The following KMT2C variants were observed in gnomAD, a reference collection of about 807,000 sequenced individuals.
KMT2C encodes lysine methyltransferase 2C, also known as histone-lysine N-methyltransferase 2C.
In KMT2C, 88 loss-of-function variants were observed where a neutral mutation model predicts 507.9. That is an observed-to-expected ratio of 0.17 (90% CI 0.15 to 0.21). KMT2C has a LOEUF of 0.21. KMT2C is among the 10% of genes least tolerant of loss of function. The probability of loss-of-function intolerance (pLI) is 1.00; values close to 1 mark genes in which losing one functional copy is unlikely to be tolerated. For synonymous variants in KMT2C, 2,049 were observed against 2,080.8 expected, an observed-to-expected ratio of 0.98 and a Z score of 0.42; for missense variants, 4,954 against 5,957.8, an observed-to-expected ratio of 0.83 and a Z score of 5.55.
chr7:152,255,126 T>TATATATATATAC (rs2095632226), intron 9 of KMT2C, among the ~76,000 whole-genome samples: 2 of 119,770 alleles, frequency 1.7e-5, no homozygotes, highest in Admixed American at 1.6e-4. Context: ...TATATATATA[T>TATATATATATAC]ATATATATAT....
At chr7:152,307,248 A>AGGACGGAC (rs1554631753) in intron 6 of KMT2C, among the ~76,000 whole-genome samples, 12 of 117,078 alleles carry the variant, frequency 1.0e-4, no homozygotes, top group South Asian at 2.8e-4. Context: ...GAAGGAAGGA[A>AGGACGGAC]GGACGGTAGG....
intron 6 of KMT2C, among the ~76,000 whole-genome samples, chr7:152,291,859 T>G (rs1292471698): frequency 1.3e-5 from 2 of 152,272 alleles, no homozygotes; most frequent in Non-Finnish European, 2.9e-5. Flanking sequence ...GTTTATTTTC[T>G]ATGGACACAT....
At chr7:152,167,978 T>C (rs542566929) in intron 41 of KMT2C, among the ~76,000 whole-genome samples, 1 of 152,314 alleles carries the variant, frequency 6.6e-6, no homozygotes, top group East Asian at 1.9e-4. Context: ...TATTATTCTG[T>C]AGTTATATTT....
intron 51 of KMT2C, among the ~76,000 whole-genome samples, chr7:152,150,686 ACT>A (rs1401616953): frequency 6.6e-6 from 1 of 152,056 alleles, no homozygotes; most frequent in Admixed American, 6.5e-5. Flanking sequence ...TTAAAACATA[ACT>A]CTGCCCACTT....
intron 51 of KMT2C, among the ~76,000 whole-genome samples, chr7:152,149,443 C>A (rs1202028774): frequency 1.3e-5 from 2 of 152,202 alleles, no homozygotes; most frequent in Non-Finnish European, 2.9e-5. Context: ...CTGGGACAAT[C>A]CCCTTTCTAA....
chr7:152,291,171 GCATT>G (rs1215824434), intron 6 of KMT2C, among the ~76,000 whole-genome samples: 8 of 152,056 alleles, frequency 5.3e-5, no homozygotes, highest in African/African-American at 1.4e-4. Flanking sequence ...ATAGTTGAGG[GCATT>G]ATTATTCAGA....
chr7:152,383,740 G>A (rs201385143), intron 1 of KMT2C, among the ~76,000 whole-genome samples: 4 of 151,848 alleles, frequency 2.6e-5, no homozygotes, highest in African/African-American at 7.3e-5. Context: ...TCTCCCTGCC[G>A]TTTCTGCCCC....
intron 1 of KMT2C, among the ~76,000 whole-genome samples, chr7:152,431,816 C>G (rs2116795980): frequency 6.6e-6 from 1 of 152,208 alleles, no homozygotes; most frequent in South Asian, 2.1e-4. Flanking sequence ...GAATTGCTGT[C>G]ATAAAAATTA....
chr7:152,145,395 C>G, intron 53 of KMT2C, 100 bp from the exon 54 acceptor site: 1 of 1,169,312 alleles, frequency 8.6e-7, no homozygotes, highest in East Asian at 2.4e-5. Context: ...AATAACTCAT[C>G]AGCGTTTTCC....
At chr7:152,137,730 T>C (rs1464612639) in intron 58 of KMT2C, 2 of 152,140 alleles carry the variant, frequency 1.3e-5, no homozygotes, top group South Asian at 2.1e-4. Context: ...GAAGATAAAA[T>C]AGGGGCTCAT....
intron 1 of KMT2C, among the ~76,000 whole-genome samples, chr7:152,370,054 C>T (rs769661250): frequency 1.3e-5 from 2 of 151,950 alleles, no homozygotes; most frequent in Admixed American, 6.6e-5. Flanking sequence ...ATTAGCTGGG[C>T]GTGGTAGTGG....
intron 6 of KMT2C, among the ~76,000 whole-genome samples, chr7:152,306,541 C>T (rs1349463550): frequency 6.6e-6 from 1 of 151,984 alleles, no homozygotes; most frequent in African/African-American, 2.4e-5. Flanking sequence ...AGTTTGTTTC[C>T]AATATTTCGC....
chr7:152,134,974 G>A lies in KMT2C; in HGVS notation c.*1858C>T. 4.4e-6 allele frequency: 1 copy of A among 225,492 alleles called. No homozygotes were observed. The highest frequency in any genetic ancestry group is 8.8e-6 in the Non-Finnish European group (1 of 113,000). 14.0% of individuals were successfully genotyped at this position (225,492 alleles called of 1,614,324 possible). On this transcript the variant is annotated 3_prime_UTR_variant, in exon 59 of 59. Coordinates refer to ENST00000262189, the MANE Select transcript of KMT2C (RefSeq NM_170606.3). Reference sequence around the variant, plus strand: ...GTAAATGGTGATCTTCTAAATCTGTGTCCACAAATTCCAAAACCCATAACA... The same window carrying A: ...GTAAATGGTGATCTTCTAAATCTGTATCCACAAATTCCAAAACCCATAACA...
chr7:152,377,734 CAA>C (rs59181675), intron 1 of KMT2C, among the ~76,000 whole-genome samples: 23 of 62,606 alleles, frequency 3.7e-4, no homozygotes, highest in Non-Finnish European at 6.6e-4. Context: ...GACTCCGTCT[CAA>C]AAAAAAAAAA....
chr7:152,395,483 C>A (rs758575515), intron 1 of KMT2C, among the ~76,000 whole-genome samples: 28 of 151,644 alleles, frequency 1.8e-4, no homozygotes, highest in African/African-American at 1.2e-4. Context: ...GCCACAGTGC[C>A]TAACCATTTT....
chr7:152,397,381 T>C (rs1410323132), intron 1 of KMT2C, among the ~76,000 whole-genome samples: 2 of 152,094 alleles, frequency 1.3e-5, no homozygotes, highest in Non-Finnish European at 2.9e-5. Flanking sequence ...CTCTAAGCCA[T>C]ATCTGTCAAG....
chr7:152,182,655 G>C (rs919013129), intron 35 of KMT2C, 61 bp from the exon 36 acceptor site: 23 of 1,408,854 alleles, frequency 1.6e-5, no homozygotes, highest in Non-Finnish European at 2.1e-5. Flanking sequence ...CTACCATCAT[G>C]GGGGGAAAAA....
intron 2 of KMT2C, among the ~76,000 whole-genome samples, chr7:152,343,382 C>T (rs2129221111): frequency 7.2e-6 from 1 of 138,364 alleles, no homozygotes; most frequent in Non-Finnish European, 1.5e-5. Flanking sequence ...GCTGAGGAAA[C>T]AATCTCATTG....
intron 27 of KMT2C, among the ~76,000 whole-genome samples, chr7:152,197,459 T>C (rs186131125): frequency 6.6e-5 from 10 of 152,232 alleles, no homozygotes; most frequent in South Asian, 4.1e-4. Context: ...GGTCCCATTA[T>C]ATAGTTTTCA....
Sources: gnomAD v4.1 joint callset for allele counts (sites outside exome capture counted in the v4.1 genomes callset) on GRCh38, gnomAD v4.1.1 for gene constraint, MANE v1.5 for transcripts, NCBI Gene and HGNC (gene_info 2026-07-23, HGNC 2026-07-21) for gene names.